The following TRIO variants were observed in gnomAD, a reference collection of about 807,000 sequenced individuals.
TRIO encodes triple functional domain protein.
TRIO carries 58 observed loss-of-function variants against 351.9 expected under a neutral mutation model. The observed-to-expected ratio is 0.16, with a 90% CI of 0.13 to 0.21. The LOEUF (loss-of-function observed/expected upper bound fraction) is 0.21, where lower values mean the gene tolerates loss of function less well. Ranked by LOEUF, TRIO falls within the 10% of genes least tolerant of loss-of-function variation. The probability of loss-of-function intolerance (pLI) is 1.00; values close to 1 mark genes in which losing one functional copy is unlikely to be tolerated. For missense variants in TRIO, 3,201 were observed against 4,027.8 expected (o/e 0.79, Z 5.56); for synonymous variants, 1,758 against 1,595.7 (o/e 1.10, Z -2.42).
chr5:14,224,820 T>G (rs995688907), intron 1 of TRIO, among the ~76,000 whole-genome samples: 1 of 151,874 alleles, frequency 6.6e-6, no homozygotes, highest in African/African-American at 2.4e-5. Context: ...TACCACCAAT[T>G]TTTAAATGAA....
chr5:14,300,643 A>G (rs1737795031), intron 7 of TRIO, among the ~76,000 whole-genome samples: 1 of 152,218 alleles, frequency 6.6e-6, no homozygotes, highest in South Asian at 2.1e-4. Context: ...ACCCTTTAAC[A>G]TGAAATCTCA....
chr5:14,399,094 T>G, intron 30 of TRIO, 24 bp downstream of exon 30: 2 of 1,604,404 alleles, frequency 1.2e-6, no homozygotes, highest in Non-Finnish European at 1.7e-6. Context: ...TTCAGAATTG[T>G]AAGTCTAAAG....
At chr5:14,483,695 C>T (rs912226756) in intron 46 of TRIO, among the ~76,000 whole-genome samples, 11 of 152,164 alleles carry the variant, frequency 7.2e-5, no homozygotes, top group Non-Finnish European at 1.3e-4. Flanking sequence ...TGGAGCCAAA[C>T]AGCTGGAGAA....
chr5:14,441,907 G>A (rs1035205173), intron 34 of TRIO, among the ~76,000 whole-genome samples: 1 of 152,184 alleles, frequency 6.6e-6, no homozygotes, highest in African/African-American at 2.4e-5. Flanking sequence ...CCAGATTCTG[G>A]CTTTATCTGC....
In TRIO at chr5:14,330,861, A is replaced by G; in HGVS notation, c.1815A>G (p.Ala605=). ...GGAAATCTCTTCATCGGGCCAGAGC[A>G]TTGCAGAAACGTCATGAAGATTTTG... ...GVGKSLHRAR[A]LQKRHEDFEE... is the part of the protein sequence containing the mutation. The change falls in exon 10 of 57, where the codon GCA becomes GCG. Residue 605 remains alanine (A), a synonymous_variant. Transcript: ENST00000344204. 1 of 1,614,178 alleles carries G rather than the reference A, an allele frequency of 6.2e-7. No homozygotes were observed. Among genetic ancestry groups the G allele is most frequent in the East Asian group, 2.2e-5 (1 of 44,886 alleles).
At chr5:14,229,684 C>T (rs886420142) in intron 1 of TRIO, among the ~76,000 whole-genome samples, 3 of 152,166 alleles carry the variant, frequency 2.0e-5, no homozygotes, top group African/African-American at 2.4e-5. Context: ...GGACCAAGCT[C>T]CCCTATTTAT....
chr5:14,279,883 C>T (rs558078904), intron 2 of TRIO, among the ~76,000 whole-genome samples: 3 of 152,158 alleles, frequency 2.0e-5, no homozygotes, highest in Non-Finnish European at 4.4e-5. Context: ...GCTTTCCTTT[C>T]AAGACTTAGA....
rs542648962 is a variant in TRIO, at chr5:14,231,882, T to C, written c.158-38943T>C. ...TTTTGATTGTTTTCTCATACTATCA[T>C]AGGCCATTTGAGGGGAATAAAACAA... On this transcript the variant is annotated intron_variant, in intron 1 of 56. Coordinates refer to ENST00000344204, the MANE Select transcript of TRIO (RefSeq NM_007118.4). 2.0e-5 allele frequency among the ~76,000 whole-genome samples: 3 copies of C among 151,248 alleles called. No individual in the cohort carries two copies. The South Asian group carries it at 6.3e-4, about 32-fold the overall frequency.
At chr5:14,338,541 TGA>T (rs1404527290) in intron 11 of TRIO, among the ~76,000 whole-genome samples, 1 of 152,204 alleles carries the variant, frequency 6.6e-6, no homozygotes, top group Non-Finnish European at 1.5e-5. Context: ...ACACCGTAGC[TGA>T]GAGAGAAGGA....
intron 36 of TRIO, among the ~76,000 whole-genome samples, chr5:14,463,867 A>G (rs1411671690): frequency 1.3e-5 from 2 of 152,194 alleles, no homozygotes; most frequent in African/African-American, 4.8e-5. Flanking sequence ...TGTGAGGCCA[A>G]GTCAAATCAT....
At chr5:14,371,917 C>T (rs1745145848) in intron 18 of TRIO, among the ~76,000 whole-genome samples, 1 of 152,130 alleles carries the variant, frequency 6.6e-6, no homozygotes, top group African/African-American at 2.4e-5. Context: ...ATTGGGATTA[C>T]AGGTGTGAGC....
intron 34 of TRIO, among the ~76,000 whole-genome samples, chr5:14,446,299 C>T (rs1272569438): frequency 6.6e-6 from 1 of 152,176 alleles, no homozygotes; most frequent in Non-Finnish European, 1.5e-5. Flanking sequence ...GGAGAGACAG[C>T]GTTTGAACCC....
chr5:14,450,024 T>C (rs915900597), intron 34 of TRIO, among the ~76,000 whole-genome samples: 8 of 152,234 alleles, frequency 5.3e-5, no homozygotes, highest in Non-Finnish European at 1.2e-4. Flanking sequence ...CTCAAAGTCT[T>C]GCATTTGTCT....
intron 37 of TRIO, among the ~76,000 whole-genome samples, chr5:14,470,925 G>A (rs1238111618): frequency 1.3e-5 from 2 of 152,176 alleles, no homozygotes; most frequent in Non-Finnish European, 2.9e-5. Context: ...CCTGACCCAC[G>A]CACATCCCAG....
Position 14,374,156 on chromosome 5 carries a change from G to C in TRIO, c.3217-73G>C, listed in dbSNP as rs16903430. 5.8e-3 allele frequency: 6,155 copies of C among 1,059,936 alleles called. 257 individuals are homozygous for C. In the African/African-American group the frequency reaches 0.085, roughly 15 times the overall value. 65.7% of individuals were successfully genotyped at this position (1,059,936 alleles called of 1,614,324 possible). A position where few individuals can be genotyped will look rare whatever the true frequency, so the allele number is the denominator to read the frequency against. On this transcript the variant is annotated intron_variant, in intron 18 of 56. Coordinates refer to ENST00000344204, the MANE Select transcript of TRIO (RefSeq NM_007118.4). The stretch of plus-strand genomic sequence containing the variant: ...TTTAGGTAAAGACATACGTTAGAGT[G>C]CAGTGATGTGTACTCCAAATACACG...
intron 9 of TRIO, among the ~76,000 whole-genome samples, chr5:14,319,259 T>C (rs1368273081): frequency 6.6e-6 from 1 of 152,212 alleles, no homozygotes; most frequent in African/African-American, 2.4e-5. Context: ...GGTAAATATT[T>C]TTGTTGATGA....
rs201539379 is a variant in TRIO, at chr5:14,394,144, G to T, written c.4311+14G>T. On this transcript the variant is annotated intron_variant, in intron 28 of 56. Coordinates refer to ENST00000344204, the MANE Select transcript of TRIO (RefSeq NM_007118.4). ...CTCCTTTTAAAAGTATGTATAATGC[G>T]TCTTCAGCCTGTGAAATTTTATGAA... The T allele has an allele frequency of 2.0e-6, 3 of 1,505,082 alleles. No individual in the cohort carries two copies. Among genetic ancestry groups the T allele is most frequent in the East Asian group, 4.5e-5 (2 of 44,106 alleles). The allele number at this position is 1,505,082 out of a possible 1,614,324, so 93.2% of individuals were successfully genotyped here.
intron 33 of TRIO, among the ~76,000 whole-genome samples, 156 bp downstream of exon 33, chr5:14,406,828 AC>A (rs1027784793): frequency 1.3e-5 from 2 of 151,990 alleles, no homozygotes; most frequent in Admixed American, 1.3e-4. Context: ...TGGGGCAGAG[AC>A]TTGGGGGATT....
intron 3 of TRIO, among the ~76,000 whole-genome samples, chr5:14,282,628 C>A (rs961120741): frequency 1.3e-5 from 2 of 151,892 alleles, no homozygotes; most frequent in African/African-American, 4.8e-5. Flanking sequence ...AGAATAATAT[C>A]ATGAACACAC....
Sources: gnomAD v4.1 joint callset for allele counts (sites outside exome capture counted in the v4.1 genomes callset) on GRCh38, gnomAD v4.1.1 for gene constraint, MANE v1.5 for transcripts, NCBI Gene and HGNC (gene_info 2026-07-23, HGNC 2026-07-21) for gene names.